The following NRG1 variants were observed in gnomAD, a reference collection of about 807,000 sequenced individuals.
NRG1 encodes pro-neuregulin-1, membrane-bound isoform.
A neutral mutation model predicts 63.8 loss-of-function variants in NRG1; 18 were observed. That is an observed-to-expected ratio of 0.28 (90% CI 0.19 to 0.42). The LOEUF is 0.42. Ranked by LOEUF, NRG1 falls within the 10% of genes least tolerant of loss-of-function variation. The probability of loss-of-function intolerance (pLI) is 1.00; values close to 1 mark genes in which losing one functional copy is unlikely to be tolerated. For missense variants in NRG1, 762 were observed against 814.7 expected (o/e 0.94, Z 0.79); for synonymous variants, 302 against 301.3 (o/e 1.00, Z -0.02).
intron 1 of NRG1, among the ~76,000 whole-genome samples, chr8:32,004,000 T>C (rs1463534002): frequency 6.6e-6 from 1 of 152,004 alleles, no homozygotes; most frequent in Non-Finnish European, 1.5e-5. Context: ...AGATGTGCTT[T>C]GAAAATACCA....
chr8:31,880,496 T>C (rs1039320289), intron 1 of NRG1, among the ~76,000 whole-genome samples: 2 of 152,212 alleles, frequency 1.3e-5, no homozygotes, highest in East Asian at 1.9e-4. Context: ...TAATAGTACC[T>C]ATCACACAAG....
intron 1 of NRG1, among the ~76,000 whole-genome samples, chr8:32,046,242 A>G (rs939075503): frequency 1.3e-5 from 2 of 152,098 alleles, no homozygotes; most frequent in Non-Finnish European, 2.9e-5. Flanking sequence ...TGATAATGCC[A>G]TAGCACTAGA....
intron 1 of NRG1, among the ~76,000 whole-genome samples, chr8:32,577,524 ATAAAG>A (rs1839880698): frequency 1.3e-5 from 2 of 152,186 alleles, no homozygotes; most frequent in Non-Finnish European, 2.9e-5. Context: ...GACACACAAA[ATAAAG>A]AGGCTTCTGG....
At chr8:32,458,118 A>C (rs186043995) in intron 1 of NRG1, among the ~76,000 whole-genome samples, 6 of 151,922 alleles carry the variant, frequency 3.9e-5, no homozygotes, top group Non-Finnish European at 8.8e-5. Flanking sequence ...GGGTTTCACT[A>C]TGTTGGCCAG....
chr8:32,104,292 C>T (rs143467993), intron 1 of NRG1, among the ~76,000 whole-genome samples: 96 of 152,274 alleles, frequency 6.3e-4, no homozygotes, highest in African/African-American at 2.2e-3. Context: ...CTAGAAAAGG[C>T]ACAGTAAAAT....
intron 1 of NRG1, among the ~76,000 whole-genome samples, chr8:31,917,765 G>A (rs1833531370): frequency 6.6e-6 from 1 of 152,044 alleles, no homozygotes; most frequent in African/African-American, 2.4e-5. Context: ...ATCTTGATGG[G>A]GATGGCATTG....
At chr8:32,576,645 C>T (rs1218632323) in intron 1 of NRG1, among the ~76,000 whole-genome samples, 1 of 152,026 alleles carries the variant, frequency 6.6e-6, no homozygotes, top group Non-Finnish European at 1.5e-5. Flanking sequence ...AGAGGGCTGC[C>T]CCTGGCACAG....
chr8:32,248,665 T>C (rs920147153), intron 1 of NRG1, among the ~76,000 whole-genome samples: 1 of 152,070 alleles, frequency 6.6e-6, no homozygotes, highest in African/African-American at 2.4e-5. Context: ...ATTGAAAGTT[T>C]GTTAGAATAA....
chr8:31,813,707 T>C (rs1394975869), intron 1 of NRG1, among the ~76,000 whole-genome samples: 1 of 151,810 alleles, frequency 6.6e-6, no homozygotes, highest in African/African-American at 2.4e-5. Flanking sequence ...TTTGTATTTT[T>C]TGTCAAGACA....
At chr8:31,943,196 A>G (rs944615708) in intron 1 of NRG1, among the ~76,000 whole-genome samples, 4 of 152,184 alleles carry the variant, frequency 2.6e-5, no homozygotes, top group Admixed American at 1.3e-4. Flanking sequence ...ATGGAATACT[A>G]CTTAGCCATA....
chr8:32,392,240 T>A (rs1811865724), intron 1 of NRG1, among the ~76,000 whole-genome samples: 1 of 152,202 alleles, frequency 6.6e-6, no homozygotes. Context: ...AAACCTGTCT[T>A]CTGACAGCAG....
chr8:31,925,132 A>G (rs1403959800), intron 1 of NRG1, among the ~76,000 whole-genome samples: 4 of 149,092 alleles, frequency 2.7e-5, no homozygotes, highest in East Asian at 1.9e-4. Context: ...TGACATATAT[A>G]TGTGTGTGTG....
intron 3 of NRG1, among the ~76,000 whole-genome samples, chr8:32,613,616 C>T (rs979503268): frequency 6.6e-6 from 1 of 151,924 alleles, no homozygotes; most frequent in Non-Finnish European, 1.5e-5. Context: ...TAGATAGTAT[C>T]GCAGTAGATT....
chr8:31,973,735 G>A lies in NRG1; in HGVS notation c.37+334304G>A, dbSNP rs577506283. On this transcript the variant is annotated intron_variant, in intron 1 of 10. Coordinates refer to the NRG1 transcript ENST00000519301. ...CCTGGAGTAGGGAGAGGATAGGGAG[G>A]GGCAAGGATTCAGGAAATTTCCTGA... Among the ~76,000 whole-genome samples, 6 of 152,274 alleles carry A rather than the reference G, an allele frequency of 3.9e-5. No homozygotes were observed. The South Asian group carries it at 1.2e-3, about 32-fold the overall frequency.
In NRG1 at chr8:32,467,723, G is replaced by A. The variant is rs577241782; in HGVS notation, c.38-128105G>A. 7.9e-5 allele frequency among the ~76,000 whole-genome samples: 12 copies of A among 152,314 alleles called. No homozygotes were observed. In the East Asian group the frequency reaches 2.1e-3, roughly 27 times the overall value. ...CATGGCAATAGAAAGTCACAAGTGG[G>A]TGAGAACCACAGGAGAGAAACAGTC... On this transcript the variant is annotated intron_variant, in intron 1 of 10. Transcript: ENST00000519301.
intron 1 of NRG1, among the ~76,000 whole-genome samples, chr8:32,376,070 C>A (rs1352549585): frequency 2.6e-5 from 4 of 152,186 alleles, no homozygotes; most frequent in Non-Finnish European, 5.9e-5. Flanking sequence ...ATTTCAATAT[C>A]TTATTTCTTT....
intron 1 of NRG1, among the ~76,000 whole-genome samples, chr8:32,559,525 AT>A (rs151197080): frequency 0.011 from 1,628 of 152,306 alleles, 35 homozygotes; most frequent in African/African-American, 0.038. Flanking sequence ...TAAGTACCAA[AT>A]TTGCAGATTG....
intron 1 of NRG1, among the ~76,000 whole-genome samples, chr8:32,529,158 A>G (rs908620504): frequency 6.6e-6 from 1 of 152,242 alleles, no homozygotes; most frequent in Non-Finnish European, 1.5e-5. Context: ...ACAGCCTGCT[A>G]CTATACTGAA....
intron 8 of NRG1, among the ~76,000 whole-genome samples, chr8:32,754,900 C>T (rs563961516): frequency 6.6e-6 from 1 of 152,222 alleles, no homozygotes; most frequent in East Asian, 1.9e-4. Context: ...AGACTGACTG[C>T]ATTCAGGGTG....
Sources: gnomAD v4.1 joint callset for allele counts (sites outside exome capture counted in the v4.1 genomes callset) on GRCh38, gnomAD v4.1.1 for gene constraint, MANE v1.5 for transcripts, NCBI Gene and HGNC (gene_info 2026-07-23, HGNC 2026-07-21) for gene names.